The following STXBP5L variants were observed in gnomAD, a reference collection of about 807,000 sequenced individuals.
The protein encoded by STXBP5L is syntaxin-binding protein 5-like.
A neutral mutation model predicts 144.5 loss-of-function variants in STXBP5L; 65 were observed. The observed-to-expected ratio is 0.45, with a 90% CI of 0.37 to 0.55. The LOEUF (loss-of-function observed/expected upper bound fraction) is 0.55, where lower values mean the gene tolerates loss of function less well. STXBP5L is among the 20% of genes least tolerant of loss of function. The pLI, the probability that STXBP5L is intolerant of heterozygous loss-of-function variation, is 0.00. For synonymous variants in STXBP5L, 505 were observed against 469.6 expected, an observed-to-expected ratio of 1.08 and a Z score of -0.97; for missense variants, 1,298 against 1,405.5, an observed-to-expected ratio of 0.92 and a Z score of 1.22.
intron 3 of STXBP5L, among the ~76,000 whole-genome samples, chr3:121,025,896 T>C (rs1482567540): frequency 6.8e-6 from 1 of 146,382 alleles, no homozygotes; most frequent in Non-Finnish European, 1.5e-5. Context: ...ATTTATAATA[T>C]ATAAATTATA....
intron 3 of STXBP5L, among the ~76,000 whole-genome samples, chr3:120,992,953 G>T (rs1213837030): frequency 6.6e-6 from 1 of 151,972 alleles, no homozygotes; most frequent in Non-Finnish European, 1.5e-5. Flanking sequence ...CCACATCCTT[G>T]CCAGTATCTG....
chr3:121,075,237 C>G (rs1458691828), intron 5 of STXBP5L, among the ~76,000 whole-genome samples: 1 of 152,092 alleles, frequency 6.6e-6, no homozygotes, highest in Non-Finnish European at 1.5e-5. Flanking sequence ...TTCATTCCTC[C>G]AGTGTCCCAT....
intron 5 of STXBP5L, among the ~76,000 whole-genome samples, chr3:121,097,153 C>G (rs1310708005): frequency 2.0e-5 from 3 of 152,208 alleles, no homozygotes; most frequent in African/African-American, 7.2e-5. Flanking sequence ...GCTACTCAAG[C>G]TGCACCAGTG....
chr3:121,361,865 G>T (rs887875653), intron 20 of STXBP5L, among the ~76,000 whole-genome samples: 3 of 152,016 alleles, frequency 2.0e-5, no homozygotes, highest in African/African-American at 7.3e-5. Flanking sequence ...ATGTTCTTTG[G>T]TGTGTGGGCA....
In STXBP5L at chr3:121,308,198, G is replaced by A. The variant is rs150403094; in HGVS notation, c.2111-10277G>A. Among the ~76,000 whole-genome samples the A allele has an allele frequency of 2.0e-4, 30 of 152,294 alleles. No homozygotes were observed. In the East Asian group the frequency reaches 3.7e-3, roughly 19 times the overall value. ...GGGTTGATAAGTGCAGCAAACCACC[G>A]TGGCAAACGTTTACCTATGTAAGAA... On this transcript the variant is annotated intron_variant, in intron 19 of 26. Coordinates refer to ENST00000471454, the MANE Select transcript of STXBP5L (RefSeq NM_001308330.2).
At position 121,362,433 on chromosome 3, in the gene STXBP5L, G is replaced by A. The variant is rs957038505; in HGVS notation, c.2177-16283G>A. On this transcript the variant is annotated intron_variant, in intron 20 of 26. Transcript: ENST00000471454. ...AAGTGCTGTCTGGGAGCCAGGGCTG[G>A]CACTCAAAACACAAGACAGAGTCCT... 9.2e-5 allele frequency among the ~76,000 whole-genome samples: 14 copies of A among 152,256 alleles called. No individual in the cohort carries two copies. The East Asian group carries it at 2.5e-3, about 27-fold the overall frequency.
chr3:120,976,752 T>C (rs951573482), intron 3 of STXBP5L, among the ~76,000 whole-genome samples: 3 of 152,230 alleles, frequency 2.0e-5, no homozygotes, highest in Non-Finnish European at 4.4e-5. Flanking sequence ...GTGTCTTTGT[T>C]CTCACTGGTT....
chr3:121,096,088 G>T (rs953561451), intron 5 of STXBP5L, among the ~76,000 whole-genome samples: 2 of 150,882 alleles, frequency 1.3e-5, no homozygotes, highest in Non-Finnish European at 2.9e-5. Flanking sequence ...CTCTTGCTTG[G>T]TGGGCTGTAC....
chr3:121,220,057 T>C (rs1056902950), intron 10 of STXBP5L, among the ~76,000 whole-genome samples: 1 of 152,094 alleles, frequency 6.6e-6, no homozygotes, highest in Non-Finnish European at 1.5e-5. Context: ...TCTAAAACTA[T>C]CACCACAATA....
At chr3:121,297,202 A>ATGTGTGTGTGTGTGTGTGTGTG (rs71133526) in intron 19 of STXBP5L, among the ~76,000 whole-genome samples, 195 of 148,330 alleles carry the variant, frequency 1.3e-3, no homozygotes, top group Non-Finnish European at 2.5e-3. Flanking sequence ...TCTACATTAT[A>ATGTGTGTGTGTGTGTGTGTGTG]TGTGTGTGTG....
At chr3:121,254,502 A>G (rs2050141949) in intron 15 of STXBP5L, among the ~76,000 whole-genome samples, 1 of 152,210 alleles carries the variant, frequency 6.6e-6, no homozygotes, top group Non-Finnish European at 1.5e-5. Context: ...ATCAAAGGGG[A>G]AAACTGAGAT....
chr3:120,991,886 T>C (rs1010978893), intron 3 of STXBP5L, among the ~76,000 whole-genome samples: 2 of 152,050 alleles, frequency 1.3e-5, no homozygotes, highest in African/African-American at 4.8e-5. Flanking sequence ...GGGTGCAGCA[T>C]ACCAACATGG....
intron 11 of STXBP5L, among the ~76,000 whole-genome samples, chr3:121,232,187 T>C (rs2049331557): frequency 6.6e-6 from 1 of 152,130 alleles, no homozygotes. Flanking sequence ...CATATACATA[T>C]ACACATCCAA....
At chr3:121,014,395 A>T (rs1212485502) in intron 3 of STXBP5L, among the ~76,000 whole-genome samples, 1 of 152,052 alleles carries the variant, frequency 6.6e-6, no homozygotes, top group Non-Finnish European at 1.5e-5. Context: ...TGAGTTCCAT[A>T]TAAATGGAAT....
chr3:121,096,403 G>A (rs1022266329), intron 5 of STXBP5L, among the ~76,000 whole-genome samples: 9 of 152,146 alleles, frequency 5.9e-5, no homozygotes, highest in East Asian at 1.9e-4. Context: ...TGTTGCTGGC[G>A]AGACACTGTG....
intron 9 of STXBP5L, among the ~76,000 whole-genome samples, chr3:121,161,350 T>C (rs1352156625): frequency 6.6e-6 from 1 of 151,918 alleles, no homozygotes; most frequent in African/African-American, 2.4e-5. Context: ...ATGAACACTT[T>C]ACATGATCTT....
intron 20 of STXBP5L, among the ~76,000 whole-genome samples, chr3:121,364,351 G>A (rs939641592): frequency 2.6e-5 from 4 of 152,066 alleles, no homozygotes; most frequent in Non-Finnish European, 4.4e-5. Context: ...TCTTATTACA[G>A]CTGTGTAGTA....
chr3:121,008,013 A>G (rs1576645839), intron 3 of STXBP5L, among the ~76,000 whole-genome samples: 1 of 151,962 alleles, frequency 6.6e-6, no homozygotes, highest in Non-Finnish European at 1.5e-5. Context: ...ATAGATATTT[A>G]TCATTTTTTC....
At chr3:121,117,933 A>G (rs922923563) in intron 6 of STXBP5L, among the ~76,000 whole-genome samples, 2 of 151,764 alleles carry the variant, frequency 1.3e-5, no homozygotes, top group African/African-American at 4.8e-5. Context: ...ATATGGGAAA[A>G]TATATACCAG....
Sources: gnomAD v4.1 joint callset for allele counts (sites outside exome capture counted in the v4.1 genomes callset) on GRCh38, gnomAD v4.1.1 for gene constraint, MANE v1.5 for transcripts, NCBI Gene and HGNC (gene_info 2026-07-23, HGNC 2026-07-21) for gene names.